Variants in IGSF9 observed in about 807,000 individuals in gnomAD.
IGSF9 encodes the protein immunoglobulin superfamily member 9, also known as protein turtle homolog A.
IGSF9 carries 87 observed loss-of-function variants against 121.7 expected under a neutral mutation model. That is an observed-to-expected ratio of 0.71 (90% confidence interval 0.60 to 0.85). IGSF9 has a LOEUF of 0.85. IGSF9 is among the 40% of genes least tolerant of loss of function. The probability of loss-of-function intolerance (pLI) is 0.00; values close to 1 mark genes in which losing one functional copy is unlikely to be tolerated. For synonymous variants in IGSF9, 640 were observed against 648.4 expected (o/e 0.99, Z 0.20); for missense variants, 1,462 against 1,565.3 (o/e 0.93, Z 1.11).
chr1:159,930,583 G>A lies in IGSF9; in HGVS notation c.1813+109C>T, dbSNP rs1356204796. The A allele has an allele frequency of 1.7e-5, 27 of 1,543,012 alleles. No homozygotes were observed. In the East Asian group the frequency reaches 2.5e-4, roughly 14 times the overall value. On this transcript the variant is annotated intron_variant, in intron 14 of 20. Transcript: ENST00000368094. ...TTCCACACACCCCTCTGGACCCCAA[G>A]CTGGCCAGCACCTCTGCCCCTTCCC...
In IGSF9 at chr1:159,930,885, A is replaced by G; in HGVS notation, c.1638-18T>C. ...GCTTGGCCCTGGGAGACATGAGGAC[A>G]TGGGGGGCACCTCGTGAGCTAGGAA... On this transcript the variant is annotated intron_variant, in intron 13 of 20. Coordinates refer to ENST00000368094, the MANE Select transcript of IGSF9 (RefSeq NM_001135050.2). 1.3e-6 allele frequency: 2 copies of G among 1,585,348 alleles called. No individual in the cohort carries two copies. The highest frequency in any genetic ancestry group is 1.7e-6 in the Non-Finnish European group (2 of 1,165,398).
chr1:159,943,353 C>A, intron 2 of IGSF9, 44 bp downstream of exon 2: 1 of 1,509,232 alleles, frequency 6.6e-7, no homozygotes, highest in South Asian at 1.3e-5. Context: ...CCATACCCAC[C>A]CCAAGGCTAA....
Position 159,928,384 on chromosome 1 carries a change from AGT to A in IGSF9, c.3002_3003del (p.Asp1001ValfsTer62). On this transcript the variant is annotated frameshift_variant, in exon 19 of 21. Coordinates refer to ENST00000368094, the MANE Select transcript of IGSF9 (RefSeq NM_001135050.2). LOFTEE classifies it high-confidence loss of function. ...GGCAGCAGCCGCTCCCTCAGTGTCCAGTCAGCCAGGGCTGTGTAAGGGGGCTC... is the reference window on the plus strand; with the variant it reads ...GGCAGCAGCCGCTCCCTCAGTGTCCACAGCCAGGGCTGTGTAAGGGGGCTC... ...TAEPPYTALADWTLRERLLPG... is the reference protein window; with the variant it reads ...TAEPPYTALAXWTLRERLLPG... The A allele has an allele frequency of 1.2e-6, 2 of 1,609,404 alleles. No individual in the cohort carries two copies. Among genetic ancestry groups the A allele is most frequent in the Non-Finnish European group, 1.7e-6 (2 of 1,178,052 alleles).
rs1650991734 is a variant in IGSF9, at chr1:159,931,381, C to G, written c.1513+72G>C. ...TCCCAGGGGTCCCACACCCATGATC[C>G]TCTTTCTGGGCCTCCAAAAACGATT... On this transcript the variant is annotated intron_variant, in intron 12 of 20. Coordinates refer to ENST00000368094, the MANE Select transcript of IGSF9 (RefSeq NM_001135050.2). This position sits in a 1 kb window ranked among gnomAD's most constrained non-coding sequence, Gnocchi z 4.8. The G allele has an allele frequency of 6.3e-7, 1 of 1,597,440 alleles. No individual in the cohort carries two copies. The highest frequency in any genetic ancestry group is 1.1e-5 in the South Asian group (1 of 88,922).
chr1:159,944,090 C>T (rs537120795), intron 1 of IGSF9, among the ~76,000 whole-genome samples: 4 of 152,228 alleles, frequency 2.6e-5, no homozygotes, highest in Admixed American at 6.5e-5. Context: ...CCAGTGCTGT[C>T]GCCTTCACCC....
intron 1 of IGSF9, among the ~76,000 whole-genome samples, chr1:159,944,207 G>A (rs1198697209): frequency 1.3e-5 from 2 of 152,120 alleles, no homozygotes; most frequent in South Asian, 4.1e-4. Flanking sequence ...AGGACACCCC[G>A]ATACAATCCC....
rs746743456 is a variant in IGSF9, at chr1:159,931,234, A to C, written c.1541T>G (p.Val514Gly). Residue 514 changes from valine (V) to glycine (G), a missense_variant, in exon 13 of 21, where the codon GTG becomes GGG. Transcript: ENST00000368094. The surrounding 1 kb of genome is among the most constrained non-coding windows in gnomAD (Gnocchi z 4.8). The stretch of plus-strand genomic sequence containing the variant: ...ACCCTTGGGCAAAGCCACCACGGAC[A>C]CATTGGTGACAACATGAGGGCTAGT... ...LGTSPHVVTN[V>G]SVVALPKGAN... 6.2e-7 allele frequency: 1 copy of C among 1,614,120 alleles called. No individual in the cohort carries two copies. The highest frequency in any genetic ancestry group is 8.5e-7 in the Non-Finnish European group (1 of 1,179,980).
chr1:159,936,637 T>C (rs1408925977), intron 5 of IGSF9, 117 bp downstream of exon 5: 1 of 1,525,936 alleles, frequency 6.6e-7, no homozygotes, highest in Non-Finnish European at 8.9e-7. Context: ...GCCAAGCCCT[T>C]CTTCTGGCCC....
Position 159,934,721 on chromosome 1 carries a change from A to T in IGSF9, c.775T>A (p.Tyr259Asn), listed in dbSNP as rs767137577. 3.7e-6 allele frequency: 6 copies of T among 1,614,116 alleles called. No individual in the cohort carries two copies. The East Asian group carries it at 1.3e-4, about 36-fold the overall frequency. ...HAEAYPANLT[Y>N]SWFQDNINVF... is the part of the protein sequence containing the mutation. ...TTGATGTTGTCCTGGAACCAGCTGT[A>T]GGTGAGGTTAGCAGGGTATGCCTCA... Residue 259 changes from tyrosine (Y) to asparagine (N), a missense_variant, in exon 7 of 21, where the codon TAC (tyrosine) becomes AAC (asparagine). Physicochemically the swap from Tyr to Asn is moderately radical, Grantham distance 143 (BLOSUM62 -2). Around this residue, in one of 3 missense-constraint regions of IGSF9, gnomAD observed 558 missense variants for 599.4 expected, o/e 0.93. Transcript: ENST00000368094.
chr1:159,936,953 C>A, intron 4 of IGSF9, 45 bp from the exon 5 acceptor site: 1 of 1,602,968 alleles, frequency 6.2e-7, no homozygotes, highest in Non-Finnish European at 8.5e-7. Flanking sequence ...GGCTGTCAGC[C>A]CAAAAAGCAG....
intron 4 of IGSF9, 55 bp downstream of exon 4, chr1:159,937,631 A>C: frequency 6.3e-7 from 1 of 1,577,432 alleles, no homozygotes; most frequent in Non-Finnish European, 8.7e-7. Context: ...CCAGCCAGAG[A>C]TCCCCATCCT....
At chr1:159,937,007 C>T (rs1651215076) in intron 4 of IGSF9, 99 bp from the exon 5 acceptor site, 1 of 1,227,874 alleles carries the variant, frequency 8.1e-7, no homozygotes, top group East Asian at 2.4e-5. Context: ...AGCCTGCTGC[C>T]CACCCACCAG....
chr1:159,928,534 G>C lies in IGSF9; in HGVS notation c.2854C>G (p.Pro952Ala). 1.3e-6 allele frequency: 2 copies of C among 1,557,958 alleles called. No individual in the cohort carries two copies. The highest frequency in any genetic ancestry group is 1.7e-6 in the Non-Finnish European group (2 of 1,150,448). ...PPLEEPSPAA[P>A]PDYMDTRRCP... Reference sequence around the variant, plus strand: ...CGCCGGGTATCCATGTAATCTGGGGGTGCAGCAGGGCTGGGCTCCTCAAGC... The same window carrying C: ...CGCCGGGTATCCATGTAATCTGGGGCTGCAGCAGGGCTGGGCTCCTCAAGC... The change falls in exon 19 of 21, where the codon CCC becomes GCC. Residue 952 changes from proline to alanine, a missense_variant. Physicochemically the swap from Pro to Ala is conservative, Grantham distance 27. Around this residue, in one of 3 missense-constraint regions of IGSF9, gnomAD observed 808 missense variants for 815.2 expected, o/e 0.99. Transcript: ENST00000368094.
chr1:159,936,767 T>C lies in IGSF9; in HGVS notation c.542A>G (p.Gln181Arg), dbSNP rs141346152. ...CCCAGGACTCACTTGCACCTGGCCC[T>C]GGCCCTGGCCAAGGTCCTTTCCTCG... ...KLRGKDLGQG[Q>R]GQVQVQNGTL... is the part of the protein sequence containing the mutation. The change falls in exon 5 of 21, where the codon CAG becomes CGG. Residue 181 changes from glutamine to arginine, a missense_variant. Gln to Arg is a conservative substitution (Grantham distance 43). This residue lies in a region of IGSF9 where 558 missense variants were observed against 599.4 expected (regional missense o/e 0.93). Transcript: ENST00000368094. 51 of 1,614,108 alleles carry C rather than the reference T, an allele frequency of 3.2e-5. No homozygotes were observed. The African/African-American group carries it at 6.5e-4, about 21-fold the overall frequency.
At position 159,927,245 on chromosome 1, in the gene IGSF9, G is replaced by A. The variant is rs979397811; in HGVS notation, c.*100C>T. On this transcript the variant is annotated 3_prime_UTR_variant, in exon 21 of 21. Transcript: ENST00000368094. ...AGGGTCTGTGCCTGGGCACCAAAGG[G>A]GCAGGCAGGGGCAGTGCCCTCGTTT... 2 of 1,421,320 alleles carry A rather than the reference G, an allele frequency of 1.4e-6. No individual in the cohort carries two copies. The highest frequency in any genetic ancestry group is 2.3e-5 in the South Asian group (2 of 85,252). The allele number at this position is 1,421,320 out of a possible 1,614,324, so 88.0% of individuals were successfully genotyped here. A position where few individuals can be genotyped will look rare whatever the true frequency, so the allele number is the denominator to read the frequency against.
intron 6 of IGSF9, among the ~76,000 whole-genome samples, chr1:159,935,503 C>A (rs573624225): frequency 1.6e-4 from 24 of 152,340 alleles, no homozygotes; most frequent in Non-Finnish European, 2.9e-4. Flanking sequence ...GAATGCCCCT[C>A]CCAAGGGCCT....
chr1:159,927,466 G>C lies in IGSF9; in HGVS notation c.3419C>G (p.Ala1140Gly). 6.2e-7 allele frequency: 1 copy of C among 1,614,148 alleles called. No homozygotes were observed. The highest frequency in any genetic ancestry group is 8.5e-7 in the Non-Finnish European group (1 of 1,180,034). ...LNTAHVTGPEARCAALREEFL... is the reference protein window; with the variant it reads ...LNTAHVTGPEGRCAALREEFL... ...TTCCTCCCGAAGGGCAGCACAGCGG[G>C]CCTCAGGGCCAGTAACATGGGCAGT... The change falls in exon 21 of 21, where the codon GCC becomes GGC. Residue 1140 changes from alanine to glycine, a missense_variant. Transcript: ENST00000368094.
chr1:159,939,501 A>T (rs1332777242), intron 3 of IGSF9, among the ~76,000 whole-genome samples: 1 of 152,140 alleles, frequency 6.6e-6, no homozygotes, highest in East Asian at 1.9e-4. Flanking sequence ...GCTGGGATTA[A>T]GCTGTGAGTC....
chr1:159,937,913 T>G (rs1651252181), intron 3 of IGSF9, 75 bp from the exon 4 acceptor site: 1 of 1,471,942 alleles, frequency 6.8e-7, no homozygotes, highest in South Asian at 1.2e-5. Flanking sequence ...ACACTGGTAA[T>G]TCTTAGAGGT....
Sources: gnomAD v4.1 joint callset for allele counts (sites outside exome capture counted in the v4.1 genomes callset) on GRCh38, gnomAD v4.1.1 for gene constraint, gnomAD v4.1.1 regional missense constraint, Gnocchi (gnomAD v3.1) non-coding constraint, MANE v1.5 for transcripts, NCBI Gene and HGNC (gene_info 2026-07-23, HGNC 2026-07-21) for gene names.